MED27: variants seen among roughly 807,000 people sequenced by gnomAD.
The protein encoded by MED27 is mediator of RNA polymerase II transcription subunit 27.
MED27 carries 30 observed loss-of-function variants against 38.2 expected under a neutral mutation model. The observed-to-expected ratio is 0.79, with a 90% confidence interval of 0.59 to 1.07. The LOEUF (loss-of-function observed/expected upper bound fraction) is 1.07. MED27 is among the 50% of genes least tolerant of loss of function. MED27 has a pLI of 0.00. For synonymous variants in MED27, 122 were observed against 153.5 expected (o/e 0.79, Z 1.52); for missense variants, 289 against 397.5 (o/e 0.73, Z 2.32).
intron 4 of MED27, among the ~76,000 whole-genome samples, chr9:131,920,283 T>C (rs1464959907): frequency 6.6e-6 from 1 of 152,236 alleles, no homozygotes; most frequent in Non-Finnish European, 1.5e-5. Context: ...AATAGGTATA[T>C]GTCTGTTTTT....
chr9:132,045,742 G>C (rs1330098708), intron 2 of MED27, among the ~76,000 whole-genome samples: 2 of 152,170 alleles, frequency 1.3e-5, no homozygotes, highest in Non-Finnish European at 2.9e-5. Context: ...AGGATTCTTT[G>C]CTGCCCAGCT....
chr9:131,937,982 T>C (rs996401405), intron 4 of MED27, among the ~76,000 whole-genome samples: 4 of 152,342 alleles, frequency 2.6e-5, no homozygotes, highest in Admixed American at 2.6e-4. Flanking sequence ...CCCTTTTCTA[T>C]GAAAAAAACA....
intron 4 of MED27, among the ~76,000 whole-genome samples, chr9:131,930,909 T>G (rs1378383216): frequency 6.6e-6 from 1 of 152,162 alleles, no homozygotes; most frequent in Non-Finnish European, 1.5e-5. Flanking sequence ...GCCTTTTTTT[T>G]GTTTGTTTGT....
intron 4 of MED27, among the ~76,000 whole-genome samples, chr9:131,930,545 A>T (rs1465163360): frequency 6.6e-6 from 1 of 152,148 alleles, no homozygotes; most frequent in Non-Finnish European, 1.5e-5. Flanking sequence ...AAGGAGAAAT[A>T]AAGACTTTTT....
At chr9:131,873,942 C>T (rs910223077) in intron 6 of MED27, among the ~76,000 whole-genome samples, 2 of 152,186 alleles carry the variant, frequency 1.3e-5, no homozygotes, top group South Asian at 2.1e-4. Flanking sequence ...AGGGAAGCCC[C>T]CAACTCCCTG....
Position 132,079,767 on chromosome 9 carries a change from G to A in MED27, c.78C>T (p.Ser26=), listed in dbSNP as rs11540328. ...QAISAIQALR[S]SVSRVFDCLK... ...GGCAGTCGAACACCCTGCTCACGCTGGAGCGCAGCGCCTGGATGGCACTAA... is the reference window on the plus strand; with the variant it reads ...GGCAGTCGAACACCCTGCTCACGCTAGAGCGCAGCGCCTGGATGGCACTAA... Residue 26 remains serine (S), a synonymous_variant, in exon 1 of 8, where the codon TCC becomes TCT. Coordinates refer to ENST00000292035, the MANE Select transcript of MED27 (RefSeq NM_004269.4). 6.2e-7 allele frequency: 1 copy of A among 1,614,110 alleles called. No homozygotes were observed. The highest frequency in any genetic ancestry group is 8.5e-7 in the Non-Finnish European group (1 of 1,180,010).
rs773274198 is a variant in MED27 at position 131,860,487 on chromosome 9, C to A, written c.*51G>T. 1 of 1,466,136 alleles carries A rather than the reference C, an allele frequency of 6.8e-7. No homozygotes were observed. 90.8% of individuals were successfully genotyped at this position (1,466,136 alleles called of 1,614,324 possible). On this transcript the variant is annotated 3_prime_UTR_variant, in exon 8 of 8. Transcript: ENST00000292035. The surrounding 1 kb of genome is among the most constrained non-coding windows in gnomAD (Gnocchi z 5.8). ...AGCTGAGCCTTCTGTGGGCTTCCTG[C>A]GTGTCTGGGAAGGTGCTGGGTGGGG...
chr9:131,989,504 T>C (rs999897732), intron 3 of MED27, among the ~76,000 whole-genome samples: 5 of 152,208 alleles, frequency 3.3e-5, no homozygotes, highest in African/African-American at 4.8e-5. Context: ...ATCTGTAACA[T>C]AATATTTACC....
At chr9:131,906,406 C>T (rs953694819) in intron 4 of MED27, among the ~76,000 whole-genome samples, 4 of 152,070 alleles carry the variant, frequency 2.6e-5, no homozygotes, top group African/African-American at 9.7e-5. Flanking sequence ...CAGCACAGGC[C>T]GAGAGGGCAG....
chr9:131,942,482 C>T (rs947807282), intron 3 of MED27, among the ~76,000 whole-genome samples: 8 of 152,184 alleles, frequency 5.3e-5, no homozygotes, highest in Admixed American at 3.3e-4. Context: ...ATCCACTGTC[C>T]TGTGTGAATG....
At chr9:131,904,538 T>TG (rs141721664) in intron 4 of MED27, among the ~76,000 whole-genome samples, 15,698 of 144,708 alleles carry the variant, frequency 0.11, 1,603 homozygotes, top group East Asian at 0.39. Flanking sequence ...TAAATAGAGA[T>TG]CGGGGGGGAG....
intron 2 of MED27, among the ~76,000 whole-genome samples, chr9:132,038,986 C>T (rs1833145233): frequency 1.3e-5 from 2 of 152,176 alleles, no homozygotes. Flanking sequence ...CATGGCAGGG[C>T]TACGACAAGA....
chr9:132,037,162 G>A (rs759748642), intron 2 of MED27, among the ~76,000 whole-genome samples: 3 of 152,116 alleles, frequency 2.0e-5, no homozygotes, highest in Non-Finnish European at 4.4e-5. Flanking sequence ...TGAGGAGCGC[G>A]CCACACACAA....
At chr9:132,032,502 C>G (rs565910648) in intron 2 of MED27, among the ~76,000 whole-genome samples, 1 of 152,262 alleles carries the variant, frequency 6.6e-6, no homozygotes, top group South Asian at 2.1e-4. Flanking sequence ...TCTGCTCTGC[C>G]AAAGAACTGT....
At chr9:131,956,083 C>T (rs1330612495) in intron 3 of MED27, among the ~76,000 whole-genome samples, 1 of 152,142 alleles carries the variant, frequency 6.6e-6, no homozygotes, top group East Asian at 1.9e-4. Flanking sequence ...CAAAAATCAA[C>T]CCATGCTGTG....
At chr9:131,945,140 TA>T (rs1009547226) in intron 3 of MED27, among the ~76,000 whole-genome samples, 6 of 146,808 alleles carry the variant, frequency 4.1e-5, no homozygotes, top group East Asian at 3.9e-4. Context: ...TCTTTATATA[TA>T]AAAAATTTAT....
intron 2 of MED27, among the ~76,000 whole-genome samples, chr9:132,062,671 A>T (rs1385395354): frequency 2.0e-5 from 3 of 151,770 alleles, no homozygotes; most frequent in Non-Finnish European, 4.4e-5. Flanking sequence ...AGGCTGGAGT[A>T]CAGTGGGGTG....
intron 3 of MED27, among the ~76,000 whole-genome samples, chr9:131,952,152 C>G (rs1831011228): frequency 6.6e-6 from 1 of 152,226 alleles, no homozygotes. Context: ...TCTCTGGCTT[C>G]CAGCTGTGTT....
At chr9:132,068,573 G>C (rs545724017) in intron 2 of MED27, among the ~76,000 whole-genome samples, 10 of 152,290 alleles carry the variant, frequency 6.6e-5, no homozygotes, top group African/African-American at 2.4e-4. Context: ...GGGAAGAGCT[G>C]AGAGGCTGTG....
Sources: allele counts gnomAD v4.1 joint callset (sites outside exome capture counted in the v4.1 genomes callset), GRCh38; gene constraint gnomAD v4.1.1; non-coding constraint Gnocchi (gnomAD v3.1); transcripts MANE v1.5; gene names NCBI Gene and HGNC (gene_info 2026-07-23, HGNC 2026-07-21).